TMEM71: variants seen among roughly 807,000 people sequenced by gnomAD.
TMEM71 encodes the protein transmembrane protein 71.
Under a neutral mutation model 38.0 loss-of-function variants are expected in TMEM71, and 44 were observed. The observed-to-expected ratio is 1.16, with a 90% CI of 0.91 to 1.49. The LOEUF (loss-of-function observed/expected upper bound fraction) is 1.49, where lower values mean the gene tolerates loss of function less well. TMEM71 is among the 40% of genes most tolerant of loss of function. The pLI is 0.00. For missense variants in TMEM71, 367 were observed against 348.6 expected (o/e 1.05, Z -0.42); for synonymous variants, 133 against 122.5 (o/e 1.09, Z -0.56).
the TMEM71 span, among the ~76,000 whole-genome samples, chr8:132,772,839 A>G: frequency 6.6e-6 from 1 of 152,202 alleles, no homozygotes; most frequent in African/African-American, 2.4e-5. Flanking sequence ...CCTAAATGTA[A>G]CAGCTACGCA....
chr8:132,715,367 G>A (rs1421920456), intron 7 of TMEM71, among the ~76,000 whole-genome samples: 57 of 125,134 alleles, frequency 4.6e-4, no homozygotes, highest in African/African-American at 1.8e-3. Context: ...CCGAGGTCAC[G>A]CCACTGCACT....
At chr8:132,761,593 G>A (rs1829297266), upstream of TMEM71, among the ~76,000 whole-genome samples, 1 of 152,210 alleles carries the variant, frequency 6.6e-6, no homozygotes, top group African/African-American at 2.4e-5. Context: ...TAGGCAGCAG[G>A]AACTGTCAGG....
At chr8:132,755,945 T>C (rs754047121) in intron 3 of TMEM71, among the ~76,000 whole-genome samples, 39 of 152,332 alleles carry the variant, frequency 2.6e-4, no homozygotes, top group Admixed American at 6.5e-4. Flanking sequence ...AGAGCTATGA[T>C]ATGAAGCCTA....
At chr8:132,755,296 GT>G (rs933392475) in intron 3 of TMEM71, among the ~76,000 whole-genome samples, 6 of 152,074 alleles carry the variant, frequency 3.9e-5, no homozygotes, top group African/African-American at 1.4e-4. Flanking sequence ...CTGGATCATA[GT>G]TTAAAAAAAG....
chr8:132,735,048 T>G (rs1468034513), intron 5 of TMEM71, among the ~76,000 whole-genome samples: 2 of 152,222 alleles, frequency 1.3e-5, no homozygotes, highest in Non-Finnish European at 2.9e-5. Context: ...GTGACTTGCC[T>G]GGAGTCAGCC....
upstream of TMEM71, among the ~76,000 whole-genome samples, chr8:132,763,642 T>C (rs1440976843): frequency 6.6e-6 from 1 of 152,224 alleles, no homozygotes. Flanking sequence ...ACAGGAAACA[T>C]GGTCTCACCA....
chr8:132,758,634 TCTACTAGAAGGAAAAATACCACA>T, intron 2 of TMEM71, 183 bp downstream of exon 2: 2 of 510,666 alleles, frequency 3.9e-6, no homozygotes, highest in African/African-American at 2.0e-5. Flanking sequence ...TTTTTTTTTT[TCTACTAGAAGGAAAAATACCACA>T]TTTCTTTCAA....
chr8:132,725,429 A>T (rs1827088911), intron 6 of TMEM71, among the ~76,000 whole-genome samples: 2 of 152,210 alleles, frequency 1.3e-5, no homozygotes, highest in Non-Finnish European at 2.9e-5. Context: ...GAGAAGAGAC[A>T]ACAAAAGACA....
chr8:132,762,550 A>G (rs909262810), upstream of TMEM71, among the ~76,000 whole-genome samples: 4 of 152,108 alleles, frequency 2.6e-5, no homozygotes, highest in Non-Finnish European at 1.5e-5. Flanking sequence ...TGCTAACTTT[A>G]AGGAGTGCTT....
At chr8:132,756,318 G>A (rs1194023136) in intron 3 of TMEM71, among the ~76,000 whole-genome samples, 1 of 149,988 alleles carries the variant, frequency 6.7e-6, no homozygotes, top group Non-Finnish European at 1.5e-5. Context: ...ACATCAGATT[G>A]AGACAAAGTA....
intron 7 of TMEM71, among the ~76,000 whole-genome samples, chr8:132,714,435 A>C (rs1467136424): frequency 5.9e-5 from 9 of 152,212 alleles, no homozygotes. Context: ...ATTTTAATTG[A>C]GGCGCAGAAG....
At chr8:132,771,256 G>A in the TMEM71 span, among the ~76,000 whole-genome samples, 3 of 152,248 alleles carry the variant, frequency 2.0e-5, no homozygotes, top group South Asian at 2.1e-4. Context: ...TGTCATTCTG[G>A]TATAATTATT....
At chr8:132,714,579 A>C (rs1826402778) in intron 7 of TMEM71, among the ~76,000 whole-genome samples, 1 of 152,240 alleles carries the variant, frequency 6.6e-6, no homozygotes, top group South Asian at 2.1e-4. Context: ...CATAGACCAA[A>C]AATGTAGATC....
intron 3 of TMEM71, among the ~76,000 whole-genome samples, chr8:132,756,430 T>TATA (rs1829020675): frequency 6.9e-6 from 1 of 144,612 alleles, no homozygotes; most frequent in Non-Finnish European, 1.5e-5. Flanking sequence ...TATATATATA[T>TATA]ATATATATAT....
chr8:132,752,689 T>C (rs911485437), intron 3 of TMEM71, among the ~76,000 whole-genome samples: 1 of 151,030 alleles, frequency 6.6e-6, no homozygotes, highest in Non-Finnish European at 1.5e-5. Context: ...GTGCTATTCA[T>C]GCCTGTGAAT....
rs1240676415 is a variant in TMEM71, at chr8:132,721,539, CTTTTTTTTTTGTCTTT to C, written c.752+485_752+500del. On this transcript the variant is annotated intron_variant, in intron 7 of 9. Coordinates refer to ENST00000677595, the MANE Select transcript of TMEM71 (RefSeq NM_001382403.1). ...ATGCTTTCTAGGTGGTTTTCTTTTT[CTTTTTTTTTTGTCTTT>C]TTTTTTTTTTGGCAGAGCTTTGCTC... Among the ~76,000 whole-genome samples, 3 of 138,978 alleles carry C rather than the reference CTTTTTTTTTTGTCTTT, an allele frequency of 2.2e-5. No individual in the cohort carries two copies. In the East Asian group the frequency reaches 6.3e-4, roughly 29 times the overall value. 91.2% of individuals were successfully genotyped at this position (138,978 alleles called of 152,430 possible). A position where few individuals can be genotyped will look rare whatever the true frequency, so the allele number is the denominator to read the frequency against.
At chr8:132,747,621 G>T (rs1828464280) in intron 4 of TMEM71, among the ~76,000 whole-genome samples, 1 of 152,146 alleles carries the variant, frequency 6.6e-6, no homozygotes, top group African/African-American at 2.4e-5. Flanking sequence ...ATGCTATATA[G>T]GGGATAAGTG....
chr8:132,759,661 C>T (rs770184937), intron 1 of TMEM71, among the ~76,000 whole-genome samples: 2 of 152,186 alleles, frequency 1.3e-5, no homozygotes, highest in East Asian at 1.9e-4. Context: ...CTATCCTAAT[C>T]GCTTTATAAG....
intron 5 of TMEM71, among the ~76,000 whole-genome samples, chr8:132,741,157 G>A (rs904779947): frequency 6.6e-6 from 1 of 152,156 alleles, no homozygotes; most frequent in African/African-American, 2.4e-5. Context: ...GAGGTCAGGA[G>A]ATCAAGACCA....
Sources: gnomAD v4.1 joint callset for allele counts (sites outside exome capture counted in the v4.1 genomes callset) on GRCh38, gnomAD v4.1.1 for gene constraint, MANE v1.5 for transcripts, NCBI Gene and HGNC (gene_info 2026-07-23, HGNC 2026-07-21) for gene names.